DCDC1: variants seen among roughly 807,000 people sequenced by gnomAD.
DCDC1 encodes doublecortin domain containing 1.
DCDC1 carries 200 observed loss-of-function variants against 178.3 expected under a neutral mutation model. That is an observed-to-expected ratio of 1.12 (90% CI 1.00 to 1.26). The LOEUF (loss-of-function observed/expected upper bound fraction) is 1.26, where lower values mean the gene tolerates loss of function less well. Ranked by LOEUF, DCDC1 falls within the 50% of genes most tolerant of loss-of-function variation. The probability of loss-of-function intolerance (pLI) is 0.00; values close to 1 mark genes in which losing one functional copy is unlikely to be tolerated. For missense variants in DCDC1, 1,983 were observed against 1,749.2 expected, an observed-to-expected ratio of 1.13 and a Z score of -2.38; for synonymous variants, 690 against 604.8, an observed-to-expected ratio of 1.14 and a Z score of -2.07.
rs546235083 is a variant in DCDC1 at position 30,897,205 on chromosome 11, A to G, written c.4765+2336T>C. On this transcript the variant is annotated intron_variant, in intron 34 of 38. Coordinates refer to ENST00000684477, the MANE Select transcript of DCDC1 (RefSeq NM_001387274.1). ...AGCACTCAATTCTAAGAGAAACCACATCAAAGGATCCCTCCAGAATGGACA... is the reference window on the plus strand; with the variant it reads ...AGCACTCAATTCTAAGAGAAACCACGTCAAAGGATCCCTCCAGAATGGACA... Among the ~76,000 whole-genome samples the G allele has an allele frequency of 5.3e-5, 8 of 152,344 alleles. No homozygotes were observed. The East Asian group carries it at 1.5e-3, about 29-fold the overall frequency.
chr11:30,977,512 CTTA>C (rs1214844951), intron 20 of DCDC1, among the ~76,000 whole-genome samples: 1 of 152,000 alleles, frequency 6.6e-6, no homozygotes, highest in African/African-American at 2.4e-5. Context: ...TAACTAAATC[CTTA>C]TTATTAAATA....
intron 9 of DCDC1, among the ~76,000 whole-genome samples, chr11:31,182,771 G>A (rs908994935): frequency 2.6e-5 from 4 of 152,160 alleles, no homozygotes; most frequent in Admixed American, 6.5e-5. Flanking sequence ...AAATGTAAAC[G>A]GGCTAAATGC....
intron 20 of DCDC1, among the ~76,000 whole-genome samples, chr11:31,052,012 T>C (rs1955283925): frequency 6.6e-6 from 1 of 152,110 alleles, no homozygotes; most frequent in Admixed American, 6.6e-5. Flanking sequence ...AATACTAACA[T>C]TGAATGTAAA....
chr11:31,341,665 T>C (rs1226117799), intron 1 of DCDC1, among the ~76,000 whole-genome samples: 1 of 152,070 alleles, frequency 6.6e-6, no homozygotes, highest in African/African-American at 2.4e-5. Context: ...TATCTAAACA[T>C]AGAAAAAGTA....
intron 20 of DCDC1, among the ~76,000 whole-genome samples, chr11:30,998,000 GA>G (rs1353158787): frequency 1.3e-5 from 2 of 152,200 alleles, no homozygotes; most frequent in East Asian, 3.9e-4. Context: ...AGTTTAAAAA[GA>G]AAGGGGGTGG....
At chr11:31,203,566 C>T (rs1000171451) in intron 9 of DCDC1, among the ~76,000 whole-genome samples, 2 of 152,160 alleles carry the variant, frequency 1.3e-5, no homozygotes, top group Non-Finnish European at 2.9e-5. Flanking sequence ...CCCAGGGGCT[C>T]CCCTGTTGAT....
At chr11:31,248,327 T>C (rs1440748196) in intron 8 of DCDC1, among the ~76,000 whole-genome samples, 1 of 152,008 alleles carries the variant, frequency 6.6e-6, no homozygotes, top group Non-Finnish European at 1.5e-5. Flanking sequence ...GAAAACAAAG[T>C]AAAACATAGG....
At chr11:31,023,454 A>G (rs1033132289) in intron 20 of DCDC1, among the ~76,000 whole-genome samples, 18 of 152,062 alleles carry the variant, frequency 1.2e-4, no homozygotes, top group African/African-American at 4.3e-4. Flanking sequence ...AACAATGAGG[A>G]AGACACTTAG....
Position 31,192,266 on chromosome 11 carries a change from T to C in DCDC1, c.1221+49184A>G, listed in dbSNP as rs1033104349. Among the ~76,000 whole-genome samples the C allele has an allele frequency of 8.5e-5, 13 of 152,210 alleles. No individual in the cohort carries two copies. The East Asian group carries it at 2.3e-3, about 27-fold the overall frequency. ...CCACTCCTGTATTGACAACTTTTTT[T>C]CCTAGAAGTTCAAATCTAATCCCAT... On this transcript the variant is annotated intron_variant, in intron 9 of 38. Transcript: ENST00000684477.
rs552103987 is a variant in DCDC1, at chr11:30,941,285, A to G, written c.2716-9333T>C. On this transcript the variant is annotated intron_variant, in intron 21 of 38. Coordinates refer to ENST00000684477, the MANE Select transcript of DCDC1 (RefSeq NM_001387274.1). Reference sequence around the variant, plus strand: ...ATCCTATTTATCCTTAAGTCAGAGCATATCACTCCTTTGCTCCAGACCCTC... The same window carrying G: ...ATCCTATTTATCCTTAAGTCAGAGCGTATCACTCCTTTGCTCCAGACCCTC... 4.6e-5 allele frequency among the ~76,000 whole-genome samples: 7 copies of G among 152,264 alleles called. No homozygotes were observed. The South Asian group carries it at 1.5e-3, about 32-fold the overall frequency.
At chr11:30,917,790 G>C (rs538002690) in intron 25 of DCDC1, among the ~76,000 whole-genome samples, 55 of 152,330 alleles carry the variant, frequency 3.6e-4, no homozygotes, top group African/African-American at 1.3e-3. Flanking sequence ...AGCACTCTAA[G>C]TATGCGTACC....
chr11:30,937,094 A>C (rs1220724989), intron 21 of DCDC1, among the ~76,000 whole-genome samples: 1 of 151,874 alleles, frequency 6.6e-6, no homozygotes, highest in Non-Finnish European at 1.5e-5. Context: ...CCTAAACCCA[A>C]CCTCACAACT....
chr11:31,345,552 T>C (rs2133252720), intron 1 of DCDC1, among the ~76,000 whole-genome samples: 1 of 151,856 alleles, frequency 6.6e-6, no homozygotes, highest in South Asian at 2.1e-4. Context: ...AACTTAAAGG[T>C]AATTCCACTG....
intron 20 of DCDC1, among the ~76,000 whole-genome samples, chr11:30,998,831 A>G (rs1951414717): frequency 6.6e-6 from 1 of 152,204 alleles, no homozygotes; most frequent in South Asian, 2.1e-4. Context: ...TGCTTCTAGC[A>G]AATAGAGTAC....
chr11:31,113,624 C>T lies in DCDC1; in HGVS notation c.1486-3263G>A, dbSNP rs180962358. Among the ~76,000 whole-genome samples, 1,370 of 152,132 alleles carry T rather than the reference C, an allele frequency of 9.0e-3. 16 individuals are homozygous for T. The highest frequency in any genetic ancestry group is 0.015 in the Non-Finnish European group (1,022 of 67,996). On this transcript the variant is annotated intron_variant, in intron 11 of 38. Transcript: ENST00000684477. The stretch of plus-strand genomic sequence containing the variant: ...TCCCTACAAAGGCCATGAACTCATC[C>T]TTTTTTATGGCTGCATAGTATTCCA...
chr11:31,335,998 T>A (rs1381759959), intron 1 of DCDC1, among the ~76,000 whole-genome samples: 1 of 152,242 alleles, frequency 6.6e-6, no homozygotes, highest in Non-Finnish European at 1.5e-5. Flanking sequence ...TTCGTTGACA[T>A]TGTTCTAGGC....
chr11:31,009,098 A>G (rs1254841810), intron 20 of DCDC1, among the ~76,000 whole-genome samples: 1 of 152,222 alleles, frequency 6.6e-6, no homozygotes, highest in Non-Finnish European at 1.5e-5. Context: ...CAATGAGAAT[A>G]TATAACAAGA....
chr11:31,080,081 A>T (rs1439705983), intron 17 of DCDC1, among the ~76,000 whole-genome samples: 1 of 152,150 alleles, frequency 6.6e-6, no homozygotes, highest in African/African-American at 2.4e-5. Flanking sequence ...TGATGAAGGT[A>T]TTGGGGGAAG....
Position 31,110,304 on chromosome 11 carries a change from A to G in DCDC1, c.1543T>C (p.Leu515=), listed in dbSNP as rs774042680. 16 of 713,346 alleles carry G rather than the reference A, an allele frequency of 2.2e-5. No homozygotes were observed. Among genetic ancestry groups the G allele is most frequent in the Middle Eastern group, 2.3e-4 (1 of 4,374 alleles). 44.2% of individuals were successfully genotyped at this position (713,346 alleles called of 1,614,324 possible). Residue 515 remains leucine (L), a synonymous_variant, in exon 12 of 39, where the codon TTG becomes CTG. Coordinates refer to ENST00000684477, the MANE Select transcript of DCDC1 (RefSeq NM_001387274.1). ...GTTTGAATTGGGCTATCCGATCCCA[A>G]ATCTTTTTTACTGATACCAACAGAG... is the stretch of plus-strand genomic sequence containing the variant. The part of the protein sequence containing the change: ...EISVGISKKD[L]GSDSPIQTDH...
Sources: gnomAD v4.1 joint callset for allele counts (sites outside exome capture counted in the v4.1 genomes callset) on GRCh38, gnomAD v4.1.1 for gene constraint, MANE v1.5 for transcripts, NCBI Gene and HGNC (gene_info 2026-07-23, HGNC 2026-07-21) for gene names.